DHRS13: variants seen among roughly 807,000 people sequenced by gnomAD.
DHRS13 encodes the protein dehydrogenase/reductase 13, also known as dehydrogenase/reductase SDR family member 13.
Under a neutral mutation model 17.9 loss-of-function variants are expected in DHRS13, and 22 were observed. The ratio of observed to expected loss-of-function variants is 1.23; its 90% CI spans 0.88 to 1.75. The LOEUF is 1.75. Among genes scored for constraint, DHRS13 ranks in the 40% most tolerant of loss-of-function variants. The pLI, the probability that DHRS13 is intolerant of heterozygous loss-of-function variation, is 0.00. For missense variants in DHRS13, 483 were observed against 519.9 expected, an observed-to-expected ratio of 0.93 and a Z score of 0.69; for synonymous variants, 206 against 220.4, an observed-to-expected ratio of 0.93 and a Z score of 0.58.
rs1352593967 is a variant in DHRS13 at position 28,901,341 on chromosome 17, A to T, written c.371-40T>A. ...AAATGTGAGCGGCTGCTCCAGAAGG[A>T]GCTCTGCAGCCTTGGCATCCCTATC... On this transcript the variant is annotated intron_variant, in intron 3 of 4. Coordinates refer to ENST00000378895, the MANE Select transcript of DHRS13 (RefSeq NM_144683.4). This position sits in a 1 kb window ranked among gnomAD's most constrained non-coding sequence, Gnocchi z 4.3. The T allele has an allele frequency of 3.2e-6, 5 of 1,582,256 alleles. No homozygotes were observed. The African/African-American group carries it at 6.7e-5, about 21-fold the overall frequency.
At chr17:28,900,868 G>C (rs570341560) in intron 4 of DHRS13, 122 bp downstream of exon 4, 2 of 1,122,528 alleles carry the variant, frequency 1.8e-6, no homozygotes, top group East Asian at 5.1e-5. Context: ...ATGCTTCCTT[G>C]CTGCCCTGAG....
chr17:28,898,692 G>C lies in DHRS13; in HGVS notation c.883C>G (p.Arg295Gly), dbSNP rs1364229886. ...CHVEEVPPAA[R>G]DDRAAHRLWE... The stretch of plus-strand genomic sequence containing the variant: ...AGCCGATGGGCTGCCCGGTCGTCTC[G>C]GGCAGCTGGAGGCACCTCTTCCACA... The change falls in exon 5 of 5, where the codon CGA becomes GGA. Residue 295 changes from arginine to glycine, a missense_variant. Arg to Gly is a moderately radical substitution (Grantham distance 125). Coordinates refer to ENST00000378895, the MANE Select transcript of DHRS13 (RefSeq NM_144683.4). The C allele has an allele frequency of 1.2e-6, 2 of 1,613,540 alleles. No homozygotes were observed. The highest frequency in any genetic ancestry group is 1.7e-5 in the Admixed American group (1 of 59,980).
rs559470369 is a variant in DHRS13 at position 28,901,626 on chromosome 17, G to T, written c.247-10C>A. The T allele has an allele frequency of 6.2e-7, 1 of 1,613,846 alleles. No individual in the cohort carries two copies. Among genetic ancestry groups the T allele is most frequent in the East Asian group, 2.2e-5 (1 of 44,884 alleles). Reference sequence around the variant, plus strand: ...CATTGTTCCCACTCTCCTGTGGAGAGGCAAGGGCTGGGCTTGTCACCAGGC... The same window carrying T: ...CATTGTTCCCACTCTCCTGTGGAGATGCAAGGGCTGGGCTTGTCACCAGGC... On this transcript the variant is annotated splice_polypyrimidine_tract_variant and intron_variant, in intron 2 of 4. Transcript: ENST00000378895. This position sits in a 1 kb window ranked among gnomAD's most constrained non-coding sequence, Gnocchi z 4.3.
chr17:28,901,122 C>A lies in DHRS13; in HGVS notation c.550G>T (p.Asp184Tyr). 6.2e-7 allele frequency: 1 copy of A among 1,614,162 alleles called. No homozygotes were observed. Among genetic ancestry groups the A allele is most frequent in the Non-Finnish European group, 8.5e-7 (1 of 1,180,016 alleles). Residue 184 changes from aspartate (D) to tyrosine (Y), a missense_variant, in exon 4 of 5, where the codon GAC (aspartate) becomes TAC (tyrosine). Asp to Tyr is a radical substitution (Grantham distance 160, BLOSUM62 -3). Coordinates refer to ENST00000378895, the MANE Select transcript of DHRS13 (RefSeq NM_144683.4). This position sits in a 1 kb window ranked among gnomAD's most constrained non-coding sequence, Gnocchi z 4.3. ...CRGRLDFKRL[D>Y]RPVVGWRQEL... ...TGCCGCCAGCCCACCACTGGGCGGT[C>A]CAGGCGTTTGAAGTCAAGACGTCCC...
rs1410894029 is a variant in DHRS13, at chr17:28,902,956, CT to C, written c.-13del. On this transcript the variant is annotated 5_prime_UTR_variant, in exon 1 of 5. Coordinates refer to ENST00000378895, the MANE Select transcript of DHRS13 (RefSeq NM_144683.4). This position sits in a 1 kb window ranked among gnomAD's most constrained non-coding sequence, Gnocchi z 4.0. The stretch of plus-strand genomic sequence containing the variant: ...AGCAGCGCCTCCATGCCGGCCGCGC[CT>C]CCCGGCTCCCGCCCAGGCCCCGCAC... 24 of 1,501,756 alleles carry C rather than the reference CT, an allele frequency of 1.6e-5. No homozygotes were observed. Among genetic ancestry groups the C allele is most frequent in the Non-Finnish European group, 1.8e-5 (20 of 1,131,368 alleles). The allele number at this position is 1,501,756 out of a possible 1,614,324, so 93.0% of individuals were successfully genotyped here. A position where few individuals can be genotyped will look rare whatever the true frequency, so the allele number is the denominator to read the frequency against.
In DHRS13 at chr17:28,898,738, C is replaced by A; in HGVS notation, c.837G>T (p.Gly279=). The change falls in exon 5 of 5, where the codon GGG becomes GGT. Residue 279 remains glycine, a synonymous_variant. Transcript: ENST00000378895. ...ALQEGIEPLS[G]RYFANCHVEE... ...CCACATGGCAGTTGGCAAAATATCT[C>A]CCACTGAGGGGCTCGATGCCCTCTT... is the stretch of plus-strand genomic sequence containing the variant. The A allele has an allele frequency of 6.2e-7, 1 of 1,613,974 alleles. No homozygotes were observed. Among genetic ancestry groups the A allele is most frequent in the Non-Finnish European group, 8.5e-7 (1 of 1,179,928 alleles).
In DHRS13 at chr17:28,902,727, C is replaced by T; in HGVS notation, c.128-26G>A. On this transcript the variant is annotated intron_variant, in intron 1 of 4. Transcript: ENST00000378895. The surrounding 1 kb of genome is among the most constrained non-coding windows in gnomAD (Gnocchi z 4.0). The stretch of plus-strand genomic sequence containing the variant: ...CTGCGGACCGCGGGCGGGAGCCGAG[C>T]TGAGCTGAGCCCGGCGGGCCGCTGC... 1 of 1,364,812 alleles carries T rather than the reference C, an allele frequency of 7.3e-7. No individual in the cohort carries two copies. Among genetic ancestry groups the T allele is most frequent in the Non-Finnish European group, 9.3e-7 (1 of 1,069,560 alleles). The allele number at this position is 1,364,812 out of a possible 1,614,324, so 84.5% of individuals were successfully genotyped here.
Position 28,898,019 on chromosome 17 carries a change from GC to G in DHRS13, c.*421del, listed in dbSNP as rs1843253487. 2 of 230,066 alleles carry G rather than the reference GC, an allele frequency of 8.7e-6. No homozygotes were observed. Among genetic ancestry groups the G allele is most frequent in the Non-Finnish European group, 1.7e-5 (2 of 118,592 alleles). 14.3% of individuals were successfully genotyped at this position (230,066 alleles called of 1,614,324 possible). ...CCTAGGCGAGTCCCTTAGCTCGGGA[GC>G]CTAATTCCGCTTCATTAACATGGGG... On this transcript the variant is annotated 3_prime_UTR_variant, in exon 5 of 5. Coordinates refer to ENST00000378895, the MANE Select transcript of DHRS13 (RefSeq NM_144683.4).
rs2039819780 is a variant in DHRS13, at chr17:28,902,937, G to A, written c.8C>T (p.Ala3Val). ...CAGCAACCCCGCGCCCAGCAGCAGC[G>A]CCTCCATGCCGGCCGCGCCTCCCGG... ME[A>V]LLLGAGLLLG... The change falls in exon 1 of 5, where the codon GCG (alanine) becomes GTG (valine). Residue 3 changes from alanine (A) to valine (V), a missense_variant. Transcript: ENST00000378895. This position sits in a 1 kb window ranked among gnomAD's most constrained non-coding sequence, Gnocchi z 4.0. 2.0e-6 allele frequency: 3 copies of A among 1,538,370 alleles called. No individual in the cohort carries two copies. The highest frequency in any genetic ancestry group is 2.9e-5 in the African/African-American group (2 of 70,014).
Position 28,902,761 on chromosome 17 carries a change from G to C in DHRS13, c.127+57C>G. 7.1e-7 allele frequency: 1 copy of C among 1,413,830 alleles called. No individual in the cohort carries two copies. 87.6% of individuals were successfully genotyped at this position (1,413,830 alleles called of 1,614,324 possible). A position where few individuals can be genotyped will look rare whatever the true frequency, so the allele number is the denominator to read the frequency against. On this transcript the variant is annotated intron_variant, in intron 1 of 4. Coordinates refer to ENST00000378895, the MANE Select transcript of DHRS13 (RefSeq NM_144683.4). This position sits in a 1 kb window ranked among gnomAD's most constrained non-coding sequence, Gnocchi z 4.0. Reference sequence around the variant, plus strand: ...GCCCGGCGGGCCGCTGCTACCGCCGGCCCGGCCTCCTCTCCGCGCGCCCCG... The same window carrying C: ...GCCCGGCGGGCCGCTGCTACCGCCGCCCCGGCCTCCTCTCCGCGCGCCCCG...
rs377279043 is a variant in DHRS13 at position 28,900,971 on chromosome 17, C to G, written c.682+19G>C. 1.2e-5 allele frequency: 19 copies of G among 1,561,756 alleles called. No homozygotes were observed. In the African/African-American group the frequency reaches 2.6e-4, roughly 21 times the overall value. On this transcript the variant is annotated intron_variant, in intron 4 of 4. Transcript: ENST00000378895. ...AAGGAAAGGAGAGGGGAATCGGAAG[C>G]CAAAGAACCAGACCTCACCTGGGTG...
chr17:28,898,896 T>C lies in DHRS13; in HGVS notation c.683-4A>G, dbSNP rs1041691362. 8 of 1,566,360 alleles carry C rather than the reference T, an allele frequency of 5.1e-6. No homozygotes were observed. The highest frequency in any genetic ancestry group is 6.9e-6 in the Non-Finnish European group (8 of 1,157,272). ...AACAGCTCCGAGTTCACAGGCCCTG[T>C]AGGCAGGAAGAAAGAAAGGAGTCGG... On this transcript the variant is annotated splice_region_variant and splice_polypyrimidine_tract_variant and intron_variant, in intron 4 of 4. Transcript: ENST00000378895.
In DHRS13 at chr17:28,901,715, A is replaced by G. The variant is rs1405154430; in HGVS notation, c.247-99T>C. 6.5e-7 allele frequency: 1 copy of G among 1,544,286 alleles called. No individual in the cohort carries two copies. ...GAGAGTCCATCTCCTACTGTTTACT[A>G]AAATCTGCCCCTGTGTCTTAGAGTG... On this transcript the variant is annotated intron_variant, in intron 2 of 4. Transcript: ENST00000378895. The surrounding 1 kb of genome is among the most constrained non-coding windows in gnomAD (Gnocchi z 4.3).
In DHRS13 at chr17:28,901,304, G is replaced by A. The variant is rs1005998918; in HGVS notation, c.371-3C>T. 1.2e-6 allele frequency: 2 copies of A among 1,603,126 alleles called. No homozygotes were observed. The highest frequency in any genetic ancestry group is 1.7e-6 in the Non-Finnish European group (2 of 1,173,378). On this transcript the variant is annotated splice_region_variant and splice_polypyrimidine_tract_variant and intron_variant, in intron 3 of 4. Transcript: ENST00000378895. This position sits in a 1 kb window ranked among gnomAD's most constrained non-coding sequence, Gnocchi z 4.3. ...GGTCCGGCCACAGGAACTGATACCT[G>A]GGGCAGAGGCTAAATGTGAGCGGCT...
Position 28,899,828 on chromosome 17 carries a change from C to A in DHRS13, c.683-936G>T, listed in dbSNP as rs1205331566. 6.6e-6 allele frequency among the ~76,000 whole-genome samples: 1 copy of A among 152,212 alleles called. No homozygotes were observed. Among genetic ancestry groups the A allele is most frequent in the Non-Finnish European group, 1.5e-5 (1 of 68,042 alleles). On this transcript the variant is annotated intron_variant, in intron 4 of 4. Transcript: ENST00000378895. This position sits in a 1 kb window ranked among gnomAD's most constrained non-coding sequence, Gnocchi z 4.7. ...GTTCAGGCGATTCTCCTGCCTCAGC[C>A]TCCTGAATAGCTGGGACTACAGGTG...
In DHRS13 at chr17:28,903,030, T is replaced by G. The variant is rs879137526; in HGVS notation, c.-86A>C. 1 of 1,169,716 alleles carries G rather than the reference T, an allele frequency of 8.5e-7. No individual in the cohort carries two copies. Among genetic ancestry groups the G allele is most frequent in the South Asian group, 3.3e-5 (1 of 29,964 alleles). 72.5% of individuals were successfully genotyped at this position (1,169,716 alleles called of 1,614,324 possible). On this transcript the variant is annotated 5_prime_UTR_variant, in exon 1 of 5. Transcript: ENST00000378895. The surrounding 1 kb of genome is among the most constrained non-coding windows in gnomAD (Gnocchi z 4.8). ...GCTGCCGATCCGCCCTGCACAGGCC[T>G]GGAACGGCGCCCGGGCGCGTCAGCC... is the stretch of plus-strand genomic sequence containing the variant.
At position 28,902,754 on chromosome 17, in the gene DHRS13, A is replaced by G; in HGVS notation, c.128-53T>C. The G allele has an allele frequency of 7.2e-7, 1 of 1,389,714 alleles. No homozygotes were observed. The highest frequency in any genetic ancestry group is 9.3e-7 in the Non-Finnish European group (1 of 1,080,948). The allele number at this position is 1,389,714 out of a possible 1,614,324, so 86.1% of individuals were successfully genotyped here. A position where few individuals can be genotyped will look rare whatever the true frequency, so the allele number is the denominator to read the frequency against. On this transcript the variant is annotated intron_variant, in intron 1 of 4. Transcript: ENST00000378895. This position sits in a 1 kb window ranked among gnomAD's most constrained non-coding sequence, Gnocchi z 4.0. ...GAGCTGAGCCCGGCGGGCCGCTGCTACCGCCGGCCCGGCCTCCTCTCCGCG... is the reference window on the plus strand; with the variant it reads ...GAGCTGAGCCCGGCGGGCCGCTGCTGCCGCCGGCCCGGCCTCCTCTCCGCG...
Position 28,902,717 on chromosome 17 carries a change from G to A in DHRS13, c.128-16C>T. The A allele has an allele frequency of 7.4e-7, 1 of 1,354,388 alleles. No individual in the cohort carries two copies. The highest frequency in any genetic ancestry group is 9.4e-7 in the Non-Finnish European group (1 of 1,061,754). 83.9% of individuals were successfully genotyped at this position (1,354,388 alleles called of 1,614,324 possible). A position where few individuals can be genotyped will look rare whatever the true frequency, so the allele number is the denominator to read the frequency against. On this transcript the variant is annotated splice_polypyrimidine_tract_variant and intron_variant, in intron 1 of 4. Transcript: ENST00000378895. The surrounding 1 kb of genome is among the most constrained non-coding windows in gnomAD (Gnocchi z 4.0). ...CTGTTGGCGCCTGCGGACCGCGGGC[G>A]GGAGCCGAGCTGAGCTGAGCCCGGC...
chr17:28,902,936 C>A lies in DHRS13; in HGVS notation c.9G>T (p.Ala3=). The A allele has an allele frequency of 6.5e-7, 1 of 1,539,816 alleles. No homozygotes were observed. The highest frequency in any genetic ancestry group is 1.2e-5 in the South Asian group (1 of 86,206). ME[A]LLLGAGLLLG... is the part of the protein sequence containing the mutation. ...GCAGCAACCCCGCGCCCAGCAGCAG[C>A]GCCTCCATGCCGGCCGCGCCTCCCG... Residue 3 remains alanine, a synonymous_variant, in exon 1 of 5, where the codon GCG becomes GCT. Coordinates refer to ENST00000378895, the MANE Select transcript of DHRS13 (RefSeq NM_144683.4). This position sits in a 1 kb window ranked among gnomAD's most constrained non-coding sequence, Gnocchi z 4.0.
Sources: allele counts gnomAD v4.1 joint callset (sites outside exome capture counted in the v4.1 genomes callset), GRCh38; gene constraint gnomAD v4.1.1; non-coding constraint Gnocchi (gnomAD v3.1); transcripts MANE v1.5; gene names NCBI Gene and HGNC (gene_info 2026-07-23, HGNC 2026-07-21).